MTCL2: variants seen among roughly 807,000 people sequenced by gnomAD.
MTCL2 encodes microtubule crosslinking factor 2.
chr20:36,860,958 A>G, the MTCL2 span, among the ~76,000 whole-genome samples: 1 of 152,174 alleles, frequency 6.6e-6, no homozygotes, highest in African/African-American at 2.4e-5. Flanking sequence ...CCCTTTAAAC[A>G]GTCATGGGTG....
chr20:36,788,466 G>A, the MTCL2 span, among the ~76,000 whole-genome samples: 4 of 150,672 alleles, frequency 2.7e-5, no homozygotes, highest in African/African-American at 7.3e-5. Flanking sequence ...CTGAAACCCC[G>A]TCTCTACTAA....
the MTCL2 span, chr20:36,816,221 C>G: frequency 6.2e-7 from 1 of 1,613,308 alleles, no homozygotes; most frequent in Non-Finnish European, 8.5e-7. Flanking sequence ...TGTCATTCTC[C>G]TTGGCAAGCT....
At chr20:36,833,862 GAAAGAAAC>G in the MTCL2 span, among the ~76,000 whole-genome samples, 147 of 149,512 alleles carry the variant, frequency 9.8e-4, no homozygotes, top group African/African-American at 3.5e-3. Context: ...AAGAAAGAAA[GAAAGAAAC>G]AAAGAAACAA....
the MTCL2 span, chr20:36,794,670 C>T: frequency 1.2e-6 from 2 of 1,601,646 alleles, no homozygotes; most frequent in Non-Finnish European, 1.7e-6. This position sits in a 1 kb window ranked among gnomAD's most constrained non-coding sequence, Gnocchi z 5.4. Context: ...GGTCTACCAC[C>T]CTGGTCCGTG....
At chr20:36,845,209 C>G in the MTCL2 span, among the ~76,000 whole-genome samples, 43 of 152,184 alleles carry the variant, frequency 2.8e-4, no homozygotes, top group African/African-American at 1.0e-3. Context: ...GGTGAGCCCC[C>G]CAAGGGATTC....
chr20:36,862,964 C>A, the MTCL2 span: 2 of 1,406,638 alleles, frequency 1.4e-6, no homozygotes, highest in Middle Eastern at 2.3e-4. Flanking sequence ...CCTCCTCCGA[C>A]GCGCAGTCCG....
At chr20:36,815,722 C>T in the MTCL2 span, 1 of 1,597,686 alleles carries the variant, frequency 6.3e-7, no homozygotes, top group Admixed American at 1.7e-5. The surrounding 1 kb of genome is among the most constrained non-coding windows in gnomAD (Gnocchi z 5.3). Context: ...TTGGCGGCCG[C>T]CAGCTCCTCC....
chr20:36,785,491 T>TG, the MTCL2 span: 8 of 985,428 alleles, frequency 8.1e-6, no homozygotes, highest in Non-Finnish European at 9.6e-6. Flanking sequence ...TCTGGCCTCT[T>TG]GGTGTTCTCC....
At chr20:36,796,865 G>T in the MTCL2 span, 1 of 1,613,592 alleles carries the variant, frequency 6.2e-7, no homozygotes, top group Admixed American at 1.7e-5. Context: ...CAGAGCAGGG[G>T]ACCAGCATGC....
the MTCL2 span, among the ~76,000 whole-genome samples, chr20:36,860,408 A>G: frequency 3.3e-5 from 5 of 152,052 alleles, no homozygotes; most frequent in African/African-American, 1.2e-4. Context: ...CTCTATGAAA[A>G]CAGACACCTC....
the MTCL2 span, chr20:36,802,949 C>G: frequency 6.3e-7 from 1 of 1,579,568 alleles, no homozygotes; most frequent in Non-Finnish European, 8.6e-7. Context: ...TTTCCTGGCT[C>G]CAGTTGCGCT....
chr20:36,856,129 G>A, the MTCL2 span, among the ~76,000 whole-genome samples: 1 of 152,066 alleles, frequency 6.6e-6, no homozygotes, highest in African/African-American at 2.4e-5. Flanking sequence ...CAGCTTTTCC[G>A]TTTCAAGCCT....
the MTCL2 span, among the ~76,000 whole-genome samples, chr20:36,816,720 T>G: frequency 1.8e-4 from 28 of 152,284 alleles, no homozygotes; most frequent in African/African-American, 6.5e-4. Flanking sequence ...CATCCAATTC[T>G]TCCAATGAAC....
At chr20:36,827,022 C>CTTTCTTTA in the MTCL2 span, among the ~76,000 whole-genome samples, 8 of 144,216 alleles carry the variant, frequency 5.5e-5, no homozygotes, top group East Asian at 2.0e-4. Flanking sequence ...TATCATCCTG[C>CTTTCTTTA]TTTATTTATT....
At chr20:36,836,492 G>T in the MTCL2 span, among the ~76,000 whole-genome samples, 1 of 151,666 alleles carries the variant, frequency 6.6e-6, no homozygotes, top group Non-Finnish European at 1.5e-5. Flanking sequence ...GTACAGGCGT[G>T]TACCACCACA....
the MTCL2 span, among the ~76,000 whole-genome samples, chr20:36,835,255 G>T: frequency 3.9e-5 from 6 of 152,262 alleles, no homozygotes; most frequent in African/African-American, 1.2e-4. Flanking sequence ...CCCCACCGAG[G>T]TTCTGTAGGT....
chr20:36,835,686 G>A, the MTCL2 span, among the ~76,000 whole-genome samples: 1 of 152,176 alleles, frequency 6.6e-6, no homozygotes, highest in Non-Finnish European at 1.5e-5. Flanking sequence ...ATCCAGCTCA[G>A]GCCCCAGGCC....
chr20:36,838,385 A>AG, the MTCL2 span, among the ~76,000 whole-genome samples: 1 of 152,106 alleles, frequency 6.6e-6, no homozygotes, highest in Admixed American at 6.5e-5. Context: ...ACTTGAGCCC[A>AG]GAAGTTTGAG....
the MTCL2 span, chr20:36,785,029 G>C: frequency 9.7e-4 from 954 of 985,542 alleles, 7 homozygotes; most frequent in African/African-American, 0.016. Flanking sequence ...GACAGGCAAT[G>C]GAGAACGTCT....
Sources: allele counts gnomAD v4.1 joint callset (sites outside exome capture counted in the v4.1 genomes callset), GRCh38; gene constraint gnomAD v4.1.1; non-coding constraint Gnocchi (gnomAD v3.1); transcripts MANE v1.5; gene names NCBI Gene and HGNC (gene_info 2026-07-23, HGNC 2026-07-21).